ZC3H18: variants seen among roughly 807,000 people sequenced by gnomAD.
ZC3H18 encodes the protein zinc finger CCCH-type containing 18.
A neutral mutation model predicts 106.1 loss-of-function variants in ZC3H18; 8 were observed. The ratio of observed to expected loss-of-function variants is 0.08; its 90% confidence interval spans 0.04 to 0.14. ZC3H18 has a LOEUF of 0.14. ZC3H18 is among the 10% of genes least tolerant of loss of function. ZC3H18 has a pLI of 1.00. For missense variants in ZC3H18, 1,318 were observed against 1,278.4 expected (o/e 1.03, Z -0.47); for synonymous variants, 635 against 522.1 (o/e 1.22, Z -2.95).
At position 88,599,936 on chromosome 16, in the gene ZC3H18, T is replaced by G. The variant is rs146329545; in HGVS notation, c.1076T>G (p.Val359Gly). Residue 359 changes from valine to glycine, a missense_variant, in exon 6 of 18, where the codon GTC becomes GGC. This residue lies in a region of ZC3H18 where 848 missense variants were observed against 821.7 expected (regional missense o/e 1.03). Transcript: ENST00000301011. Reference sequence around the variant, plus strand: ...TGGAATTCTCGGATCCCGAGAGATGTCAGAGACACAGTGTAAGGAATGGCC... The same window carrying G: ...TGGAATTCTCGGATCCCGAGAGATGGCAGAGACACAGTGTAAGGAATGGCC... ...RDWNSRIPRD[V>G]RDTVLEPYAD... The G allele has an allele frequency of 1.2e-5, 20 of 1,613,956 alleles. No homozygotes were observed. Among genetic ancestry groups the G allele is most frequent in the Non-Finnish European group, 1.7e-5 (20 of 1,179,984 alleles).
At chr16:88,619,834 GAC>G (rs1220532904) in intron 8 of ZC3H18, among the ~76,000 whole-genome samples, 3 of 152,202 alleles carry the variant, frequency 2.0e-5, no homozygotes, top group Non-Finnish European at 4.4e-5. Context: ...CTGTCCCTGT[GAC>G]TTATTGGTGC....
At position 88,577,742 on chromosome 16, in the gene ZC3H18, C is replaced by T. The variant is rs371098009; in HGVS notation, c.603+16C>T. The T allele has an allele frequency of 4.3e-6, 7 of 1,612,624 alleles. No homozygotes were observed. Among genetic ancestry groups the T allele is most frequent in the South Asian group, 3.3e-5 (3 of 91,024 alleles). ...GGAAATAGACGTGAGTATGATGGAG[C>T]AGAGCGTCGCGGGGCATCCTGCCCA... is the stretch of plus-strand genomic sequence containing the variant. On this transcript the variant is annotated intron_variant, in intron 2 of 17. Coordinates refer to ENST00000301011, the MANE Select transcript of ZC3H18 (RefSeq NM_144604.4).
Position 88,598,341 on chromosome 16 carries a change from T to A in ZC3H18, c.837+15T>A, listed in dbSNP as rs762815982. 1.3e-6 allele frequency: 2 copies of A among 1,587,968 alleles called. No individual in the cohort carries two copies. Among genetic ancestry groups the A allele is most frequent in the Non-Finnish European group, 1.7e-6 (2 of 1,170,128 alleles). On this transcript the variant is annotated intron_variant, in intron 4 of 17. Coordinates refer to ENST00000301011, the MANE Select transcript of ZC3H18 (RefSeq NM_144604.4). ...CCAACCCTTGGGTGCGTGATGCCTC[T>A]TCTTTCATTGTTAGCACATCAGCCA...
intron 3 of ZC3H18, among the ~76,000 whole-genome samples, chr16:88,596,515 C>G (rs1216932344): frequency 6.6e-6 from 1 of 152,096 alleles, no homozygotes; most frequent in Non-Finnish European, 1.5e-5. Flanking sequence ...TGGTACCCGC[C>G]TGTAATCCCA....
chr16:88,579,138 A>C (rs1211396191), intron 2 of ZC3H18, among the ~76,000 whole-genome samples: 1 of 152,172 alleles, frequency 6.6e-6, no homozygotes, highest in African/African-American at 2.4e-5. Context: ...ACGTGTGTGC[A>C]CCTGCAAGCT....
chr16:88,629,890 T>A (rs907060731), intron 16 of ZC3H18, among the ~76,000 whole-genome samples: 1 of 152,238 alleles, frequency 6.6e-6, no homozygotes, highest in African/African-American at 2.4e-5. Flanking sequence ...CAAGCAGTTC[T>A]CTGGGTTTGT....
At chr16:88,620,461 G>T (rs574136125) in intron 8 of ZC3H18, among the ~76,000 whole-genome samples, 44 of 152,180 alleles carry the variant, frequency 2.9e-4, no homozygotes, top group Admixed American at 2.0e-3. Context: ...CACACCTGCA[G>T]TCCTGGCTAC....
intron 7 of ZC3H18, among the ~76,000 whole-genome samples, chr16:88,610,856 C>T (rs1361993941): frequency 6.6e-6 from 1 of 152,236 alleles, no homozygotes; most frequent in East Asian, 1.9e-4. Flanking sequence ...GCCCAGGCCA[C>T]ACGGCGGAAG....
chr16:88,572,314 T>A (rs988527153), intron 1 of ZC3H18, among the ~76,000 whole-genome samples: 3 of 152,352 alleles, frequency 2.0e-5, no homozygotes, highest in African/African-American at 7.2e-5. Context: ...TTATTACTAT[T>A]ATTTTTTGAG....
intron 3 of ZC3H18, among the ~76,000 whole-genome samples, chr16:88,588,792 G>T (rs1478463575): frequency 1.3e-5 from 2 of 151,920 alleles, no homozygotes; most frequent in South Asian, 2.1e-4. Context: ...GGGCTGACAG[G>T]GGCAGATCAC....
intron 6 of ZC3H18, among the ~76,000 whole-genome samples, chr16:88,600,289 C>G (rs78999450): frequency 0.04 from 6,069 of 152,318 alleles, 175 homozygotes; most frequent in Non-Finnish European, 0.065. Context: ...CCCACATTAC[C>G]CAGGAGCCAG....
At chr16:88,586,461 A>G in intron 2 of ZC3H18, 139 bp from the exon 3 acceptor site, 1 of 731,178 alleles carries the variant, frequency 1.4e-6, no homozygotes, top group Non-Finnish European at 2.4e-6. Flanking sequence ...GGGACCTAAG[A>G]TTTGGAAAAT....
chr16:88,572,354 A>C (rs1018376926), intron 1 of ZC3H18, among the ~76,000 whole-genome samples: 4 of 152,132 alleles, frequency 2.6e-5, no homozygotes, highest in African/African-American at 9.7e-5. Context: ...CCCAGGCTGG[A>C]GTGCAGTGGC....
chr16:88,593,151 G>A (rs1313863510), intron 3 of ZC3H18, among the ~76,000 whole-genome samples: 4 of 152,188 alleles, frequency 2.6e-5, no homozygotes, highest in Non-Finnish European at 4.4e-5. Flanking sequence ...GATGACGTGG[G>A]ATGAAATATG....
Position 88,601,079 on chromosome 16 carries a change from C to T in ZC3H18, c.1088+1131C>T, listed in dbSNP as rs754901450. ...AAGGCCCTTCTCAAGGCCTTCTTGC[C>T]GCGAGCAGGCTACCCTGGGCTTTCC... On this transcript the variant is annotated intron_variant, in intron 6 of 17. Transcript: ENST00000301011. Among the ~76,000 whole-genome samples, 49 of 152,234 alleles carry T rather than the reference C, an allele frequency of 3.2e-4. 1 individual carries two copies. The highest frequency in any genetic ancestry group is 1.8e-4 in the Non-Finnish European group (12 of 68,034).
chr16:88,627,940 G>T lies in ZC3H18; in HGVS notation c.2290G>T (p.Gly764Cys). 4 of 1,614,060 alleles carry T rather than the reference G, an allele frequency of 2.5e-6. No homozygotes were observed. The highest frequency in any genetic ancestry group is 3.4e-6 in the Non-Finnish European group (4 of 1,180,040). Residue 764 changes from glycine (G) to cysteine (C), a missense_variant, in exon 15 of 18, where the codon GGT becomes TGT. This residue lies in a region of ZC3H18 where 848 missense variants were observed against 821.7 expected (regional missense o/e 1.03). Coordinates refer to ENST00000301011, the MANE Select transcript of ZC3H18 (RefSeq NM_144604.4). This position sits in a 1 kb window ranked among gnomAD's most constrained non-coding sequence, Gnocchi z 4.5. The part of the protein sequence containing the change: ...KEKGKSKKED[G>C]VKEEKRKRDS... The stretch of plus-strand genomic sequence containing the variant: ...GGTAGGAAAATCTAAGAAAGAAGAC[G>T]GTGTTAAAGAGGAAAAGCGGAAAAG...
In ZC3H18 at chr16:88,577,198, C is replaced by G. The variant is rs757695238; in HGVS notation, c.75C>G (p.Asp25Glu). ...AAGAGCAGCCACAGGGACTCTCGGA[C>G]GATGACATTCTGAGGGACAGCGGGT... ...EDEEQPQGLS[D>E]DDILRDSGSD... is the part of the protein sequence containing the mutation. The change falls in exon 2 of 18, where the codon GAC becomes GAG. Residue 25 changes from aspartate to glutamate, a missense_variant. This residue lies in a region of ZC3H18 where 346 missense variants were observed against 269.0 expected (regional missense o/e 1.29). Transcript: ENST00000301011. 3.1e-6 allele frequency: 5 copies of G among 1,610,876 alleles called. No individual in the cohort carries two copies. The highest frequency in any genetic ancestry group is 3.4e-6 in the Non-Finnish European group (4 of 1,178,456).
At chr16:88,579,750 A>G (rs1158130227) in intron 2 of ZC3H18, among the ~76,000 whole-genome samples, 1 of 152,302 alleles carries the variant, frequency 6.6e-6, no homozygotes, top group Admixed American at 6.5e-5. Flanking sequence ...TGGAAACCCC[A>G]GCACAGCTCC....
chr16:88,572,705 TACA>T (rs1412526566), intron 1 of ZC3H18, among the ~76,000 whole-genome samples: 1 of 151,998 alleles, frequency 6.6e-6, no homozygotes, highest in East Asian at 1.9e-4. Flanking sequence ...CACCCCTGTC[TACA>T]CTTCTCATTT....
Sources: allele counts gnomAD v4.1 joint callset (sites outside exome capture counted in the v4.1 genomes callset), GRCh38; gene constraint gnomAD v4.1.1; regional missense constraint gnomAD v4.1.1; non-coding constraint Gnocchi (gnomAD v3.1); transcripts MANE v1.5; gene names NCBI Gene and HGNC (gene_info 2026-07-23, HGNC 2026-07-21).